The following GLT8D2 variants were observed in gnomAD, a reference collection of about 807,000 sequenced individuals.
The protein encoded by GLT8D2 is glycosyltransferase 8 domain containing 2.
Under a neutral mutation model 44.5 loss-of-function variants are expected in GLT8D2, and 45 were observed. That is an observed-to-expected ratio of 1.01 (90% CI 0.80 to 1.30). The LOEUF is 1.30. Among genes scored for constraint, GLT8D2 ranks in the 50% most tolerant of loss-of-function variants. The pLI, the probability that GLT8D2 is intolerant of heterozygous loss-of-function variation, is 0.00. For synonymous variants in GLT8D2, 156 were observed against 157.2 expected (o/e 0.99, Z 0.06); for missense variants, 400 against 430.4 (o/e 0.93, Z 0.62).
chr12:104,055,932 G>A (rs1332312735), intron 1 of GLT8D2, among the ~76,000 whole-genome samples: 4 of 152,156 alleles, frequency 2.6e-5, no homozygotes, highest in Admixed American at 6.5e-5. Flanking sequence ...TCTTTTGCCT[G>A]GTGTGGTTCA....
At chr12:103,997,817 G>A (rs534975784) in intron 6 of GLT8D2, among the ~76,000 whole-genome samples, 1 of 150,268 alleles carries the variant, frequency 6.7e-6, no homozygotes, top group South Asian at 2.1e-4. Flanking sequence ...GCTGTAGTGG[G>A]AGTCACAGAG....
At chr12:104,000,815 T>C (rs911965186) in intron 5 of GLT8D2, among the ~76,000 whole-genome samples, 2 of 152,112 alleles carry the variant, frequency 1.3e-5, no homozygotes, top group African/African-American at 4.8e-5. Context: ...CCAGAAAGCA[T>C]ACACAAGACA....
chr12:104,011,052 G>C (rs141723762), intron 4 of GLT8D2, among the ~76,000 whole-genome samples: 1 of 152,188 alleles, frequency 6.6e-6, no homozygotes, highest in Admixed American at 6.5e-5. Flanking sequence ...CACTCCTTAG[G>C]GGCCTCTGCC....
At chr12:104,048,548 T>A (rs1321912468) in intron 1 of GLT8D2, among the ~76,000 whole-genome samples, 2 of 152,126 alleles carry the variant, frequency 1.3e-5, no homozygotes, top group Non-Finnish European at 2.9e-5. Context: ...CCTCACATTT[T>A]CTCAGCAAGG....
At chr12:104,045,228 C>A (rs1880956002) in intron 1 of GLT8D2, among the ~76,000 whole-genome samples, 1 of 152,202 alleles carries the variant, frequency 6.6e-6, no homozygotes, top group African/African-American at 2.4e-5. Context: ...GATCCCACTC[C>A]AGGAATAAAA....
chr12:103,993,390 AC>A lies in GLT8D2; in HGVS notation c.880+1del. On this transcript the variant is annotated splice_donor_variant, in intron 10 of 10. Transcript: ENST00000360814. LOFTEE classifies it high-confidence loss of function. ...TCTAAACAGTTTTTCTGAAATACTT[AC>A]CCAGGTGCCTTATGTGCCACAGGGG... is the stretch of plus-strand genomic sequence containing the variant. The A allele has an allele frequency of 6.3e-7, 1 of 1,599,302 alleles. No individual in the cohort carries two copies. Among genetic ancestry groups the A allele is most frequent in the Non-Finnish European group, 8.6e-7 (1 of 1,166,422 alleles).
At chr12:104,034,919 T>C (rs1444022383) in intron 1 of GLT8D2, among the ~76,000 whole-genome samples, 6 of 152,158 alleles carry the variant, frequency 3.9e-5, no homozygotes, top group African/African-American at 1.4e-4. Flanking sequence ...TACAGGTGGG[T>C]GCCCCTCTGG....
chr12:104,012,728 C>T (rs1566197489), intron 4 of GLT8D2: 10 of 669,594 alleles, frequency 1.5e-5, no homozygotes, highest in Non-Finnish European at 2.2e-5. Context: ...TCTTAGCTTC[C>T]AGCATCTCAG....
At chr12:104,007,415 T>G (rs1875213669) in intron 4 of GLT8D2, among the ~76,000 whole-genome samples, 1 of 152,188 alleles carries the variant, frequency 6.6e-6, no homozygotes, top group African/African-American at 2.4e-5. Context: ...TACTGCATTT[T>G]GTGTAATTTA....
intron 1 of GLT8D2, among the ~76,000 whole-genome samples, chr12:104,039,550 C>A (rs1880311142): frequency 6.7e-6 from 1 of 149,180 alleles, no homozygotes; most frequent in Non-Finnish European, 1.5e-5. Context: ...AAAAAATGCT[C>A]ATCGTCACTG....
intron 2 of GLT8D2, 106 bp from the exon 3 acceptor site, chr12:104,019,782 T>C: frequency 1.6e-6 from 1 of 634,898 alleles, no homozygotes; most frequent in Non-Finnish European, 2.6e-6. Flanking sequence ...TATCGTGAAG[T>C]GTGTGATCAT....
At chr12:104,027,177 C>T (rs929250903) in intron 1 of GLT8D2, among the ~76,000 whole-genome samples, 1 of 152,142 alleles carries the variant, frequency 6.6e-6, no homozygotes, top group African/African-American at 2.4e-5. Flanking sequence ...TGGCAATGAC[C>T]CTTCTCCTCT....
chr12:104,007,242 C>CTG (rs1228280927), intron 4 of GLT8D2, among the ~76,000 whole-genome samples: 1 of 144,460 alleles, frequency 6.9e-6, no homozygotes, highest in Non-Finnish European at 1.5e-5. Context: ...AGCTCTCTCT[C>CTG]TCTCTCTCTC....
chr12:104,014,062 G>A (rs879798015), intron 4 of GLT8D2, among the ~76,000 whole-genome samples: 3 of 152,022 alleles, frequency 2.0e-5, no homozygotes, highest in Non-Finnish European at 4.4e-5. Context: ...GTATTTGCTT[G>A]ATTTATATAA....
chr12:104,033,810 A>G (rs992279519), intron 1 of GLT8D2, among the ~76,000 whole-genome samples: 332 of 147,730 alleles, frequency 2.2e-3, no homozygotes, highest in African/African-American at 5.8e-3. Context: ...GTGTGTGTAT[A>G]TATATATATA....
intron 1 of GLT8D2, among the ~76,000 whole-genome samples, chr12:104,029,427 T>C (rs1878977422): frequency 6.6e-6 from 1 of 152,142 alleles, no homozygotes; most frequent in Admixed American, 6.6e-5. Flanking sequence ...TATGGTTATG[T>C]AGGAGTATAT....
At chr12:103,990,091 A>G (rs1872543530) in intron 10 of GLT8D2, among the ~76,000 whole-genome samples, 1 of 3,168 alleles carries the variant, frequency 3.2e-4, no homozygotes, top group Non-Finnish European at 4.7e-4. Context: ...ATATATATAT[A>G]TATATATATA....
At chr12:103,989,977 G>T (rs1399149479) in intron 10 of GLT8D2, among the ~76,000 whole-genome samples, 1 of 151,268 alleles carries the variant, frequency 6.6e-6, no homozygotes, top group Non-Finnish European at 1.5e-5. Context: ...ACTATTTATT[G>T]ACCAAGTTCC....
At chr12:104,040,837 A>C (rs751995707) in intron 1 of GLT8D2, among the ~76,000 whole-genome samples, 10 of 152,224 alleles carry the variant, frequency 6.6e-5, no homozygotes, top group Non-Finnish European at 1.2e-4. Flanking sequence ...TAAATTTGTA[A>C]GTTCAGAGTT....
Sources: gnomAD v4.1 joint callset for allele counts (sites outside exome capture counted in the v4.1 genomes callset) on GRCh38, gnomAD v4.1.1 for gene constraint, MANE v1.5 for transcripts, NCBI Gene and HGNC (gene_info 2026-07-23, HGNC 2026-07-21) for gene names.